Variants in PGBD2 observed in about 807,000 individuals in gnomAD.
The protein encoded by PGBD2 is piggyBac transposable element derived 2.
A neutral mutation model predicts 8.1 loss-of-function variants in PGBD2; 6 were observed. That is an observed-to-expected ratio of 0.74 (90% CI 0.40 to 1.46). The LOEUF is 1.46. PGBD2 is among the 40% of genes most tolerant of loss of function. The pLI is 0.02. For missense variants in PGBD2, 802 were observed against 739.0 expected (o/e 1.09, Z -0.99); for synonymous variants, 318 against 272.2 (o/e 1.17, Z -1.66).
chr1:248,906,680 G>T (rs112869300), intron 1 of PGBD2, among the ~76,000 whole-genome samples: 6,026 of 143,922 alleles, frequency 0.042, 570 homozygotes, highest in African/African-American at 0.15. Flanking sequence ...TGGGCGGGAC[G>T]AAGGAGGCGG....
the PGBD2 span, among the ~76,000 whole-genome samples, chr1:248,874,884 GTAGA>G: frequency 1.1e-4 from 16 of 148,916 alleles, no homozygotes; most frequent in Non-Finnish European, 1.5e-4. Flanking sequence ...CTCTTCCAAG[GTAGA>G]TAGATAGGTA....
the PGBD2 span, among the ~76,000 whole-genome samples, chr1:248,874,233 TGA>T: frequency 1.3e-5 from 2 of 152,226 alleles, no homozygotes; most frequent in African/African-American, 4.8e-5. Flanking sequence ...TATTGCTAAA[TGA>T]CGCATCATGT....
chr1:248,875,185 A>G, the PGBD2 span, among the ~76,000 whole-genome samples: 1 of 151,932 alleles, frequency 6.6e-6, no homozygotes, highest in Non-Finnish European at 1.5e-5. Flanking sequence ...AGTCCCAGCT[A>G]CTCAGGAGGC....
chr1:248,921,143 A>G (rs1372431943), downstream of PGBD2, among the ~76,000 whole-genome samples: 1 of 152,076 alleles, frequency 6.6e-6, no homozygotes, highest in African/African-American at 2.4e-5. Flanking sequence ...TCTTTAGTTT[A>G]ATTAGATCCC....
the PGBD2 span, among the ~76,000 whole-genome samples, chr1:248,878,347 T>G: frequency 6.6e-6 from 1 of 151,922 alleles, no homozygotes; most frequent in Non-Finnish European, 1.5e-5. Flanking sequence ...CCCAGCTAGT[T>G]TTTGTATTTT....
the PGBD2 span, among the ~76,000 whole-genome samples, chr1:248,892,756 A>G: frequency 2.0e-5 from 3 of 152,332 alleles, no homozygotes; most frequent in Non-Finnish European, 4.4e-5. Context: ...CAGACAGTCT[A>G]TGTGAACAAT....
intron 1 of PGBD2, among the ~76,000 whole-genome samples, chr1:248,913,206 C>T (rs1661974263): frequency 6.6e-6 from 1 of 152,116 alleles, no homozygotes; most frequent in Non-Finnish European, 1.5e-5. Context: ...TCCCTCCCTC[C>T]CCTGTGGGTA....
chr1:248,914,573 C>T (rs12025972), intron 2 of PGBD2: 66,884 of 1,288,682 alleles, frequency 0.052, 4,596 homozygotes, highest in East Asian at 0.28. Flanking sequence ...TGTACTGATG[C>T]AGCTTCTGTG....
At chr1:248,884,672 A>G in the PGBD2 span, among the ~76,000 whole-genome samples, 2 of 152,318 alleles carry the variant, frequency 1.3e-5, no homozygotes, top group South Asian at 2.1e-4. Flanking sequence ...GAAGGTATAC[A>G]TTGGTTTGGC....
chr1:248,888,897 A>G, the PGBD2 span, among the ~76,000 whole-genome samples: 5 of 152,068 alleles, frequency 3.3e-5, no homozygotes, highest in African/African-American at 1.2e-4. Flanking sequence ...TCTTTAATTC[A>G]TCTTATTTTT....
chr1:248,885,330 G>A, the PGBD2 span, among the ~76,000 whole-genome samples: 2 of 149,920 alleles, frequency 1.3e-5, no homozygotes, highest in African/African-American at 2.5e-5. Flanking sequence ...TTGTAGAGAT[G>A]GGGTTTTGCT....
the PGBD2 span, among the ~76,000 whole-genome samples, chr1:248,894,369 T>C: frequency 3.3e-5 from 5 of 152,182 alleles, no homozygotes; most frequent in Non-Finnish European, 5.9e-5. Context: ...TTTACTTCTA[T>C]GTTTTCTTCT....
At chr1:248,888,550 T>C in the PGBD2 span, among the ~76,000 whole-genome samples, 1 of 152,198 alleles carries the variant, frequency 6.6e-6, no homozygotes, top group Non-Finnish European at 1.5e-5. Flanking sequence ...CTTTTGAAAA[T>C]TGTCTATTCA....
At chr1:248,923,783 A>G (rs1662332571), downstream of PGBD2, among the ~76,000 whole-genome samples, 2 of 152,192 alleles carry the variant, frequency 1.3e-5, no homozygotes, top group African/African-American at 4.8e-5. Flanking sequence ...ATGGATTTCC[A>G]CAGTCAGCAT....
downstream of PGBD2, among the ~76,000 whole-genome samples, chr1:248,924,717 T>C (rs773809813): frequency 6.6e-6 from 1 of 152,232 alleles, no homozygotes; most frequent in South Asian, 2.1e-4. Context: ...TTTCTGTCTC[T>C]TTAACTGAGA....
the PGBD2 span, among the ~76,000 whole-genome samples, chr1:248,878,432 C>T: frequency 6.6e-6 from 1 of 152,188 alleles, no homozygotes; most frequent in Non-Finnish European, 1.5e-5. Flanking sequence ...CCGCCTCGGC[C>T]TCCCAAAGTG....
the PGBD2 span, among the ~76,000 whole-genome samples, chr1:248,875,324 A>AAAAAAG: frequency 6.7e-6 from 1 of 149,352 alleles, no homozygotes; most frequent in African/African-American, 2.5e-5. Flanking sequence ...AAAAAAAAAA[A>AAAAAAG]AAAAGAAAAG....
chr1:248,889,461 T>A, the PGBD2 span, among the ~76,000 whole-genome samples: 5,264 of 152,230 alleles, frequency 0.035, 300 homozygotes, highest in African/African-American at 0.12. Flanking sequence ...CCGTTTAATA[T>A]TGTTTTCATT....
chr1:248,930,157 C>G, the PGBD2 span, among the ~76,000 whole-genome samples: 1 of 152,164 alleles, frequency 6.6e-6, no homozygotes, highest in Non-Finnish European at 1.5e-5. Flanking sequence ...TTCGGCTGCT[C>G]ATCGCTGCTC....
Sources: allele counts gnomAD v4.1 joint callset (sites outside exome capture counted in the v4.1 genomes callset), GRCh38; gene constraint gnomAD v4.1.1; transcripts MANE v1.5; gene names NCBI Gene and HGNC (gene_info 2026-07-23, HGNC 2026-07-21).